MTMR12: variants seen among roughly 807,000 people sequenced by gnomAD.
MTMR12 encodes the protein myotubularin-related protein 12.
A neutral mutation model predicts 96.7 loss-of-function variants in MTMR12; 33 were observed. The observed-to-expected ratio is 0.34, with a 90% CI of 0.26 to 0.46. The LOEUF is 0.46. MTMR12 is among the 20% of genes least tolerant of loss of function. MTMR12 has a pLI of 1.00. For synonymous variants in MTMR12, 298 were observed against 327.2 expected (o/e 0.91, Z 0.96); for missense variants, 721 against 896.1 (o/e 0.80, Z 2.49).
intron 13 of MTMR12, among the ~76,000 whole-genome samples, chr5:32,238,126 A>G (rs1385008353): frequency 7.0e-6 from 1 of 142,934 alleles, no homozygotes; most frequent in African/African-American, 2.6e-5. Context: ...CCTGTGCAAC[A>G]GAGCAAGACT....
rs931099749 is a variant in MTMR12, at chr5:32,238,915, A to G, written c.1344+86T>C. ...TTTGGCTTACACTTTGCAAGCAGCA[A>G]TCCTACTACATCTGATGACAGGTAT... On this transcript the variant is annotated intron_variant, in intron 13 of 15. Coordinates refer to ENST00000382142, the MANE Select transcript of MTMR12 (RefSeq NM_001040446.3). 4 of 1,348,024 alleles carry G rather than the reference A, an allele frequency of 3.0e-6. No individual in the cohort carries two copies. In the East Asian group the frequency reaches 7.7e-5, roughly 26 times the overall value. The allele number at this position is 1,348,024 out of a possible 1,614,324, so 83.5% of individuals were successfully genotyped here.
chr5:32,293,727 A>G (rs943000724), intron 1 of MTMR12, among the ~76,000 whole-genome samples: 10 of 152,244 alleles, frequency 6.6e-5, no homozygotes, highest in African/African-American at 2.4e-4. Context: ...AAGGTGTTTC[A>G]ACAGTATAGG....
intron 7 of MTMR12, among the ~76,000 whole-genome samples, chr5:32,262,529 C>T (rs1032576223): frequency 2.6e-5 from 4 of 152,066 alleles, no homozygotes; most frequent in South Asian, 4.1e-4. Flanking sequence ...TGAGCCGAGA[C>T]GGAGGTTGCA....
intron 1 of MTMR12, among the ~76,000 whole-genome samples, chr5:32,281,118 T>C (rs1750274481): frequency 6.6e-6 from 1 of 151,672 alleles, no homozygotes; most frequent in South Asian, 2.1e-4. Context: ...TGCGGCAGCA[T>C]GTGCCTGTAA....
Position 32,234,159 on chromosome 5 carries a change from C to T in MTMR12, c.1513-225G>A, listed in dbSNP as rs557949204. ...CCTTTCCAGCAGTCTACACGCCAGC[C>T]GCTGTGCTGGGTGCTTCCACAGCCT... On this transcript the variant is annotated intron_variant, in intron 14 of 15. Coordinates refer to ENST00000382142, the MANE Select transcript of MTMR12 (RefSeq NM_001040446.3). Among the ~76,000 whole-genome samples the T allele has an allele frequency of 5.9e-5, 9 of 152,284 alleles. No individual in the cohort carries two copies. The South Asian group carries it at 8.3e-4, about 14-fold the overall frequency.
At chr5:32,287,982 A>G (rs1750607003) in intron 1 of MTMR12, among the ~76,000 whole-genome samples, 1 of 152,126 alleles carries the variant, frequency 6.6e-6, no homozygotes, top group African/African-American at 2.4e-5. Context: ...CTCCCTTCAG[A>G]AGCAGACACC....
At chr5:32,277,887 T>A (rs1022161602) in intron 1 of MTMR12, among the ~76,000 whole-genome samples, 2 of 152,192 alleles carry the variant, frequency 1.3e-5, no homozygotes, top group African/African-American at 2.4e-5. Flanking sequence ...CCAGCTAATC[T>A]ACAGCACACC....
chr5:32,307,390 G>A (rs956484151), intron 1 of MTMR12, among the ~76,000 whole-genome samples: 3 of 152,026 alleles, frequency 2.0e-5, no homozygotes, highest in African/African-American at 7.2e-5. Flanking sequence ...CCTGTGTCTG[G>A]GGCTGGGCTG....
Position 32,272,042 on chromosome 5 carries a change from A to G in MTMR12, c.286-137T>C, listed in dbSNP as rs1581621411. ...TGCAGTGGCTCACACCTGTAATCCC[A>G]GCACTTTGGGAGGCCGACGCGGGCG... is the stretch of plus-strand genomic sequence containing the variant. On this transcript the variant is annotated intron_variant, in intron 3 of 15. Transcript: ENST00000382142. 7 of 457,830 alleles carry G rather than the reference A, an allele frequency of 1.5e-5. No individual in the cohort carries two copies. The East Asian group carries it at 2.8e-4, about 18-fold the overall frequency. 28.4% of individuals were successfully genotyped at this position (457,830 alleles called of 1,614,324 possible).
intron 1 of MTMR12, among the ~76,000 whole-genome samples, chr5:32,307,212 A>G (rs1048450122): frequency 6.6e-6 from 1 of 151,592 alleles, no homozygotes; most frequent in Non-Finnish European, 1.5e-5. Context: ...GCTTATCTGT[A>G]CCTTTATTTT....
At chr5:32,276,814 C>A in intron 1 of MTMR12, 72 bp from the exon 2 acceptor site, 3 of 1,082,082 alleles carry the variant, frequency 2.8e-6, no homozygotes, top group Non-Finnish European at 2.7e-6. Context: ...GCCATGCTTT[C>A]AGAATACACA....
intron 6 of MTMR12, among the ~76,000 whole-genome samples, chr5:32,266,122 G>A (rs770158182): frequency 3.3e-5 from 5 of 152,040 alleles, no homozygotes; most frequent in East Asian, 1.9e-4. Flanking sequence ...TTTTCCCCTC[G>A]ATAGTCCACC....
intron 12 of MTMR12, among the ~76,000 whole-genome samples, chr5:32,239,828 A>T (rs1480854460): frequency 6.6e-6 from 1 of 152,146 alleles, no homozygotes; most frequent in Non-Finnish European, 1.5e-5. Flanking sequence ...CTAGGAGACA[A>T]ACTCTCCTTG....
intron 8 of MTMR12, among the ~76,000 whole-genome samples, chr5:32,253,820 C>T (rs1014637897): frequency 9.9e-5 from 15 of 152,172 alleles, no homozygotes; most frequent in African/African-American, 2.9e-4. Context: ...GATGGAGTCT[C>T]GCTTTGTCGC....
intron 1 of MTMR12, among the ~76,000 whole-genome samples, chr5:32,280,816 A>T (rs961752874): frequency 6.6e-6 from 1 of 152,212 alleles, no homozygotes; most frequent in African/African-American, 2.4e-5. Flanking sequence ...ACCTAGTATG[A>T]GAGCTTTAAG....
At chr5:32,310,421 T>C (rs1037704426) in intron 1 of MTMR12, among the ~76,000 whole-genome samples, 43 of 152,138 alleles carry the variant, frequency 2.8e-4, no homozygotes, top group African/African-American at 9.7e-4. Context: ...CATCAACAAA[T>C]GAATAGATAA....
Position 32,256,006 on chromosome 5 carries a change from AG to A in MTMR12, c.714-239del, listed in dbSNP as rs1749118632. On this transcript the variant is annotated intron_variant, in intron 7 of 15. Coordinates refer to ENST00000382142, the MANE Select transcript of MTMR12 (RefSeq NM_001040446.3). ...TCTGCCTGCAATTCTGTACAACCCC[AG>A]GTAAGTTATTCTACCTCTCTGGGTC... 5 of 313,540 alleles carry A rather than the reference AG, an allele frequency of 1.6e-5. No homozygotes were observed. The Admixed American group carries it at 2.0e-4, about 12-fold the overall frequency. The allele number at this position is 313,540 out of a possible 1,614,324, so 19.4% of individuals were successfully genotyped here.
chr5:32,241,569 T>C (rs964804867), intron 12 of MTMR12, among the ~76,000 whole-genome samples: 2 of 152,376 alleles, frequency 1.3e-5, no homozygotes, highest in Admixed American at 6.5e-5. Context: ...TCACACTTGC[T>C]TTCGCACATT....
At chr5:32,253,996 C>T (rs908470318) in intron 8 of MTMR12, among the ~76,000 whole-genome samples, 1 of 152,232 alleles carries the variant, frequency 6.6e-6, no homozygotes, top group African/African-American at 2.4e-5. Context: ...TGCTACTTCT[C>T]AGGCCCAAGG....
Sources: allele counts gnomAD v4.1 joint callset (sites outside exome capture counted in the v4.1 genomes callset), GRCh38; gene constraint gnomAD v4.1.1; transcripts MANE v1.5; gene names NCBI Gene and HGNC (gene_info 2026-07-23, HGNC 2026-07-21).